PARD3: variants seen among roughly 807,000 people sequenced by gnomAD.
PARD3 encodes the protein par-3 family cell polarity regulator, also known as partitioning defective 3 homolog.
Under a neutral mutation model 155.4 loss-of-function variants are expected in PARD3, and 75 were observed. That is an observed-to-expected ratio of 0.48 (90% CI 0.40 to 0.58). The LOEUF (loss-of-function observed/expected upper bound fraction) is 0.58, where lower values mean the gene tolerates loss of function less well. PARD3 is among the 20% of genes least tolerant of loss of function. The pLI, the probability that PARD3 is intolerant of heterozygous loss-of-function variation, is 0.00. For missense variants in PARD3, 1,642 were observed against 1,721.7 expected (o/e 0.95, Z 0.82); for synonymous variants, 576 against 610.5 (o/e 0.94, Z 0.83).
chr10:34,779,304 T>A (rs1214543521), intron 1 of PARD3, among the ~76,000 whole-genome samples: 1 of 149,576 alleles, frequency 6.7e-6, no homozygotes, highest in Non-Finnish European at 1.5e-5. Flanking sequence ...AGACTCCATC[T>A]CAAAAAATAA....
intron 1 of PARD3, among the ~76,000 whole-genome samples, chr10:34,806,523 TCTCA>T (rs1843410907): frequency 6.6e-6 from 1 of 151,290 alleles, no homozygotes; most frequent in African/African-American, 2.4e-5. Flanking sequence ...AGAGACGGGG[TCTCA>T]CTATGTTGCC....
chr10:34,201,271 A>G (rs615898), intron 22 of PARD3, among the ~76,000 whole-genome samples: 257 of 152,340 alleles, frequency 1.7e-3, no homozygotes, highest in African/African-American at 5.8e-3. Context: ...ACCGCACTCA[A>G]TGAATGCTGT....
chr10:34,719,990 C>CA (rs2094578207), intron 1 of PARD3, among the ~76,000 whole-genome samples: 1 of 152,118 alleles, frequency 6.6e-6, no homozygotes, highest in African/African-American at 2.4e-5. Context: ...GACATTCCTG[C>CA]AAAAACTTGT....
At chr10:34,149,828 A>T (rs1328288467) in intron 22 of PARD3, among the ~76,000 whole-genome samples, 2 of 152,148 alleles carry the variant, frequency 1.3e-5, no homozygotes, top group Non-Finnish European at 2.9e-5. Context: ...TAAGGATTTG[A>T]TGTTGTTCTT....
chr10:34,556,189 G>A (rs1190657172), intron 2 of PARD3, among the ~76,000 whole-genome samples: 2 of 152,126 alleles, frequency 1.3e-5, no homozygotes, highest in East Asian at 1.9e-4. Flanking sequence ...CTTAACTTTC[G>A]ATGCTGGTTG....
At chr10:34,212,356 G>A (rs538593694) in intron 22 of PARD3, among the ~76,000 whole-genome samples, 161 of 152,218 alleles carry the variant, frequency 1.1e-3, no homozygotes, top group African/African-American at 3.7e-3. Flanking sequence ...ACCTCTCTAA[G>A]CAGGCTTCAG....
chr10:34,455,631 C>T (rs2077293932), intron 4 of PARD3, among the ~76,000 whole-genome samples: 1 of 152,008 alleles, frequency 6.6e-6, no homozygotes, highest in Non-Finnish European at 1.5e-5. Flanking sequence ...ATGACTCACA[C>T]ACACAAAACG....
chr10:34,405,763 T>C lies in PARD3; in HGVS notation c.715-3846A>G, dbSNP rs74823681. Among the ~76,000 whole-genome samples the C allele has an allele frequency of 1.6e-4, 25 of 152,294 alleles. No homozygotes were observed. The East Asian group carries it at 3.3e-3, about 20-fold the overall frequency. ...TAGCCACACCGCTAGCCAGAGTATCTTCCTTTTATGTAGTGGTTCCTCAGC... is the reference window on the plus strand; with the variant it reads ...TAGCCACACCGCTAGCCAGAGTATCCTCCTTTTATGTAGTGGTTCCTCAGC... On this transcript the variant is annotated intron_variant, in intron 5 of 24. Transcript: ENST00000374788.
At chr10:34,131,707 A>G in intron 22 of PARD3, 124 bp from the exon 23 acceptor site, 1 of 803,760 alleles carries the variant, frequency 1.2e-6, no homozygotes, top group South Asian at 1.7e-5. Flanking sequence ...AATTTTTAAA[A>G]CAATATGTGG....
chr10:34,154,609 T>C (rs1237872027), intron 22 of PARD3, among the ~76,000 whole-genome samples: 1 of 152,232 alleles, frequency 6.6e-6, no homozygotes, highest in Non-Finnish European at 1.5e-5. Context: ...ACTTGCCCTG[T>C]AGAAGACTAA....
chr10:34,714,165 G>A (rs559759241), intron 1 of PARD3, among the ~76,000 whole-genome samples: 9 of 152,102 alleles, frequency 5.9e-5, no homozygotes, highest in Non-Finnish European at 8.8e-5. Flanking sequence ...ACTTGACCCC[G>A]AAGTAGCTCC....
In PARD3 at chr10:34,374,915, GA is replaced by G; in HGVS notation, c.1626del (p.Leu543TrpfsTer14). The G allele has an allele frequency of 6.2e-7, 1 of 1,613,986 alleles. No individual in the cohort carries two copies. Among genetic ancestry groups the G allele is most frequent in the Non-Finnish European group, 8.5e-7 (1 of 1,179,916 alleles). On this transcript the variant is annotated frameshift_variant, in exon 11 of 25. Coordinates refer to ENST00000374788, the MANE Select transcript of PARD3 (RefSeq NM_001184785.2). LOFTEE classifies it high-confidence loss of function. ...RSTKMEGTVS[L>X]LVFRQEDAFH... is the part of the protein sequence containing the mutation. ...AAGGCGTCTTCCTGGCGAAAGACCA[GA>G]AGGCTCACAGTTCCTTCCATCTTGG...
At chr10:34,786,477 G>C (rs1431392716) in intron 1 of PARD3, among the ~76,000 whole-genome samples, 4 of 152,192 alleles carry the variant, frequency 2.6e-5, no homozygotes, top group Non-Finnish European at 4.4e-5. Context: ...AAATAACAAG[G>C]AGGCTCTTAG....
At chr10:34,368,302 T>C (rs1840186257) in intron 12 of PARD3, among the ~76,000 whole-genome samples, 1 of 152,126 alleles carries the variant, frequency 6.6e-6, no homozygotes, top group Non-Finnish European at 1.5e-5. Context: ...AGAACACTAG[T>C]TCCGGTTAGG....
At chr10:34,339,408 A>T (rs2134293130) in intron 16 of PARD3, among the ~76,000 whole-genome samples, 1 of 152,306 alleles carries the variant, frequency 6.6e-6, no homozygotes, top group Middle Eastern at 3.4e-3. Context: ...ATACTGCACC[A>T]AACTTGTAAA....
At chr10:34,269,981 T>G (rs552914293) in intron 21 of PARD3, 82 bp from the exon 22 acceptor site, 1 of 1,322,284 alleles carries the variant, frequency 7.6e-7, no homozygotes, top group East Asian at 2.4e-5. Flanking sequence ...TCAAAATATG[T>G]TGTAAAATAT....
intron 14 of PARD3, among the ~76,000 whole-genome samples, chr10:34,350,546 T>C (rs548620005): frequency 2.7e-5 from 4 of 148,432 alleles, no homozygotes; most frequent in East Asian, 4.0e-4. Flanking sequence ...AGGCAGAGAA[T>C]TGCTTGAACC....
intron 1 of PARD3, among the ~76,000 whole-genome samples, chr10:34,791,625 C>T (rs1008342563): frequency 1.1e-4 from 17 of 152,166 alleles, no homozygotes; most frequent in Admixed American, 9.2e-4. Flanking sequence ...CCTAGAGTCC[C>T]AGTGCCTTGG....
chr10:34,660,283 A>G (rs753347527), intron 2 of PARD3, among the ~76,000 whole-genome samples: 2 of 152,194 alleles, frequency 1.3e-5, no homozygotes, highest in Non-Finnish European at 2.9e-5. Context: ...CAATTTCTAA[A>G]CATTTCCTTG....
Sources: gnomAD v4.1 joint callset for allele counts (sites outside exome capture counted in the v4.1 genomes callset) on GRCh38, gnomAD v4.1.1 for gene constraint, MANE v1.5 for transcripts, NCBI Gene and HGNC (gene_info 2026-07-23, HGNC 2026-07-21) for gene names.